The following NUBPL variants were observed in gnomAD, a reference collection of about 807,000 sequenced individuals.
The protein encoded by NUBPL is NUBP iron-sulfur cluster assembly factor, mitochondrial, also known as iron-sulfur cluster transfer protein NUBPL.
A neutral mutation model predicts 45.7 loss-of-function variants in NUBPL; 31 were observed. That is an observed-to-expected ratio of 0.68 (90% CI 0.51 to 0.92). The LOEUF (loss-of-function observed/expected upper bound fraction) is 0.92, where lower values mean the gene tolerates loss of function less well. Ranked by LOEUF, NUBPL falls within the 40% of genes least tolerant of loss-of-function variation. The pLI is 0.00. For synonymous variants in NUBPL, 144 were observed against 140.9 expected, an observed-to-expected ratio of 1.02 and a Z score of -0.15; for missense variants, 401 against 398.7, an observed-to-expected ratio of 1.01 and a Z score of -0.05.
chr14:31,635,592 T>C (rs1390847219), intron 4 of NUBPL, among the ~76,000 whole-genome samples: 2 of 151,962 alleles, frequency 1.3e-5, no homozygotes, highest in African/African-American at 2.4e-5. Flanking sequence ...TGGTTCCATA[T>C]GAACTTTAAA....
intron 6 of NUBPL, among the ~76,000 whole-genome samples, chr14:31,723,593 C>T (rs573837684): frequency 6.6e-6 from 1 of 152,176 alleles, no homozygotes; most frequent in Non-Finnish European, 1.5e-5. Flanking sequence ...GAATGTATTT[C>T]CATTTGTTTG....
At chr14:31,784,369 TTGTA>T (rs1162723405) in intron 6 of NUBPL, among the ~76,000 whole-genome samples, 1 of 152,164 alleles carries the variant, frequency 6.6e-6, no homozygotes, top group Non-Finnish European at 1.5e-5. Context: ...CATGAAGTCT[TTGTA>T]TGAGAAAGGT....
Position 31,673,332 on chromosome 14 carries a change from G to C in NUBPL, c.383-23G>C. On this transcript the variant is annotated intron_variant, in intron 4 of 10. Coordinates refer to ENST00000281081, the MANE Select transcript of NUBPL (RefSeq NM_025152.3). ...TGTGTTGTGTTTTATTGTTCTAAAA[G>C]AGAGGATTTTTTTTTTTTCCAGGCA... The C allele has an allele frequency of 2.0e-6, 3 of 1,476,050 alleles. No homozygotes were observed. The South Asian group carries it at 3.5e-5, about 17-fold the overall frequency. The allele number at this position is 1,476,050 out of a possible 1,614,324, so 91.4% of individuals were successfully genotyped here.
At chr14:31,688,652 G>GTTTT (rs552419842) in intron 6 of NUBPL, among the ~76,000 whole-genome samples, 7,404 of 98,124 alleles carry the variant, frequency 0.075, 743 homozygotes, top group African/African-American at 0.27. Flanking sequence ...ACAGGTTTTT[G>GTTTT]TTGTTGTTTT....
At chr14:31,717,672 C>T (rs1274405857) in intron 6 of NUBPL, among the ~76,000 whole-genome samples, 1 of 152,074 alleles carries the variant, frequency 6.6e-6, no homozygotes, top group Non-Finnish European at 1.5e-5. Flanking sequence ...ACACCACTAC[C>T]AAAACAACCC....
chr14:31,801,944 T>A (rs2039598835), intron 7 of NUBPL, among the ~76,000 whole-genome samples: 1 of 152,188 alleles, frequency 6.6e-6, no homozygotes, highest in African/African-American at 2.4e-5. Flanking sequence ...ATGTTGAATA[T>A]TCATGGGCTC....
At chr14:31,688,652 G>GTTTTTT (rs552419842) in intron 6 of NUBPL, among the ~76,000 whole-genome samples, 26 of 99,128 alleles carry the variant, frequency 2.6e-4, no homozygotes, top group African/African-American at 8.5e-4. Flanking sequence ...ACAGGTTTTT[G>GTTTTTT]TTGTTGTTTT....
intron 6 of NUBPL, among the ~76,000 whole-genome samples, chr14:31,746,844 T>G (rs1169997947): frequency 1.3e-5 from 2 of 151,580 alleles, no homozygotes; most frequent in Non-Finnish European, 2.9e-5. Context: ...CCAAGGTGGG[T>G]GGATTGTTTG....
intron 6 of NUBPL, among the ~76,000 whole-genome samples, chr14:31,684,753 A>T (rs2036914779): frequency 6.6e-6 from 1 of 152,216 alleles, no homozygotes; most frequent in African/African-American, 2.4e-5. Flanking sequence ...ACACAAAATA[A>T]TGATGCATCT....
intron 3 of NUBPL, among the ~76,000 whole-genome samples, chr14:31,598,687 A>G (rs1462519419): frequency 6.6e-6 from 1 of 152,182 alleles, no homozygotes; most frequent in East Asian, 1.9e-4. Context: ...AATCCTCTAG[A>G]AGACGTTTTG....
chr14:31,695,471 A>C (rs768986795), intron 6 of NUBPL, among the ~76,000 whole-genome samples: 22 of 152,002 alleles, frequency 1.4e-4, no homozygotes, highest in Non-Finnish European at 3.1e-4. Context: ...GGTCACCTCC[A>C]AATCTCATGT....
chr14:31,849,989 G>T, intron 9 of NUBPL, 130 bp from the exon 10 acceptor site: 1 of 707,310 alleles, frequency 1.4e-6, no homozygotes. Flanking sequence ...CAAAGATTTA[G>T]CAATTAGAAG....
intron 7 of NUBPL, among the ~76,000 whole-genome samples, chr14:31,807,933 A>G (rs963417906): frequency 6.6e-6 from 1 of 152,144 alleles, no homozygotes; most frequent in Non-Finnish European, 1.5e-5. Flanking sequence ...AGATGGTTGT[A>G]GATGTGTGGT....
At chr14:31,774,412 C>G (rs1052191356) in intron 6 of NUBPL, among the ~76,000 whole-genome samples, 1 of 152,170 alleles carries the variant, frequency 6.6e-6, no homozygotes, top group Non-Finnish European at 1.5e-5. Flanking sequence ...TCATTGGACC[C>G]TTTCTGTTCA....
chr14:31,827,362 A>AC (rs979164287), intron 8 of NUBPL, among the ~76,000 whole-genome samples: 14 of 151,804 alleles, frequency 9.2e-5, no homozygotes, highest in Admixed American at 7.9e-4. Flanking sequence ...AAAAAAAAAA[A>AC]AAACTGGATG....
chr14:31,640,026 G>C (rs36024565), intron 4 of NUBPL, among the ~76,000 whole-genome samples: 44,827 of 152,060 alleles, frequency 0.29, 7,505 homozygotes, highest in South Asian at 0.41. Context: ...TCCCTGACCC[G>C]TTGTGCTTCC....
At chr14:31,807,029 C>T (rs1418415295) in intron 7 of NUBPL, among the ~76,000 whole-genome samples, 2 of 152,120 alleles carry the variant, frequency 1.3e-5, no homozygotes, top group Non-Finnish European at 1.5e-5. Flanking sequence ...CACTGATGGA[C>T]ATTTGGGTTG....
intron 4 of NUBPL, among the ~76,000 whole-genome samples, chr14:31,642,794 T>TATC (rs2035742081): frequency 6.6e-6 from 1 of 152,118 alleles, no homozygotes; most frequent in Non-Finnish European, 1.5e-5. Flanking sequence ...GAGCATGGAA[T>TATC]ATCTTCCCTT....
chr14:31,605,900 TCTC>T (rs1258692324), intron 4 of NUBPL, among the ~76,000 whole-genome samples: 1 of 142,600 alleles, frequency 7.0e-6, no homozygotes, highest in African/African-American at 2.6e-5. Context: ...TCTCCTCCCT[TCTC>T]CTTCCTTCTC....
Sources: allele counts gnomAD v4.1 joint callset (sites outside exome capture counted in the v4.1 genomes callset), GRCh38; gene constraint gnomAD v4.1.1; transcripts MANE v1.5; gene names NCBI Gene and HGNC (gene_info 2026-07-23, HGNC 2026-07-21).